The following GUCA1C variants were observed in gnomAD, a reference collection of about 807,000 sequenced individuals.
GUCA1C encodes guanylate cyclase activator 1C, also known as guanylyl cyclase-activating protein 3.
GUCA1C carries 15 observed loss-of-function variants against 16.2 expected under a neutral mutation model. The observed-to-expected ratio is 0.93, with a 90% CI of 0.62 to 1.43. The LOEUF (loss-of-function observed/expected upper bound fraction) is 1.43. Ranked by LOEUF, GUCA1C falls within the 40% of genes most tolerant of loss-of-function variation. The pLI, the probability that GUCA1C is intolerant of heterozygous loss-of-function variation, is 0.00. For missense variants in GUCA1C, 275 were observed against 244.8 expected (o/e 1.12, Z -0.82); for synonymous variants, 78 against 85.4 (o/e 0.91, Z 0.48).
At chr3:108,915,580 T>C (rs1408862722) in intron 3 of GUCA1C, among the ~76,000 whole-genome samples, 2 of 151,990 alleles carry the variant, frequency 1.3e-5, no homozygotes, top group Admixed American at 1.3e-4. Context: ...AAAGAGCAGA[T>C]GGAGAAATAA....
rs186819202 is a variant in GUCA1C at position 108,951,176 on chromosome 3, T to C, written c.204+2383A>G. On this transcript the variant is annotated intron_variant, in intron 1 of 3. Coordinates refer to ENST00000261047, the MANE Select transcript of GUCA1C (RefSeq NM_005459.4). ...GGAGATGTAGGTCAGAGGATAAAAG[T>C]AGCAGATATGTAGGAGGAACAAGTC... Among the ~76,000 whole-genome samples, 5 of 152,144 alleles carry C rather than the reference T, an allele frequency of 3.3e-5. No individual in the cohort carries two copies. The East Asian group carries it at 9.7e-4, about 29-fold the overall frequency.
intron 2 of GUCA1C, among the ~76,000 whole-genome samples, chr3:108,919,300 C>G (rs1240007754): frequency 6.6e-6 from 1 of 151,836 alleles, no homozygotes; most frequent in Non-Finnish European, 1.5e-5. Flanking sequence ...TGGTGGCATC[C>G]TAAGATCTGT....
At chr3:108,916,504 T>C (rs1946517412) in intron 2 of GUCA1C, among the ~76,000 whole-genome samples, 1 of 152,198 alleles carries the variant, frequency 6.6e-6, no homozygotes, top group South Asian at 2.1e-4. Flanking sequence ...GAGAAAATAT[T>C]GTAGTGGTCA....
intron 1 of GUCA1C, among the ~76,000 whole-genome samples, chr3:108,925,646 T>C (rs1479498211): frequency 4.6e-5 from 7 of 152,334 alleles, no homozygotes; most frequent in Non-Finnish European, 2.9e-5. Flanking sequence ...CCATTTGTTC[T>C]AGGGTATAGT....
chr3:108,925,311 A>C (rs1946613364), intron 1 of GUCA1C, among the ~76,000 whole-genome samples: 1 of 152,092 alleles, frequency 6.6e-6, no homozygotes, highest in East Asian at 1.9e-4. Context: ...AGAGGTTTTG[A>C]TAGCTTGTGT....
In GUCA1C at chr3:108,953,631, C is replaced by CA; in HGVS notation, c.131dup (p.Leu44PhefsTer12). On this transcript the variant is annotated frameshift_variant, in exon 1 of 4. Coordinates refer to ENST00000261047, the MANE Select transcript of GUCA1C (RefSeq NM_005459.4). LOFTEE classifies it high-confidence loss of function. ...CCTTCTGATTCAGACCTTGCAGACC[C>CA]AAAAGTGTCTTAAATTCATGTAGTG... 6.2e-7 allele frequency: 1 copy of CA among 1,613,298 alleles called. No individual in the cohort carries two copies. The highest frequency in any genetic ancestry group is 1.1e-5 in the South Asian group (1 of 91,070).
chr3:108,943,307 G>C (rs566850207), intron 1 of GUCA1C, among the ~76,000 whole-genome samples: 7 of 152,224 alleles, frequency 4.6e-5, no homozygotes, highest in African/African-American at 1.7e-4. Context: ...TTTGGCAATT[G>C]TAAGAGCAGA....
rs71629371 is a variant in GUCA1C at position 108,934,808 on chromosome 3, C to CTTTTTTTTTTTTTTTTTTTTT, written c.205-14244_205-14224dup. On this transcript the variant is annotated intron_variant, in intron 1 of 3. Transcript: ENST00000261047. ...ACATATTCTCACTTATGTTCTTGAT[C>CTTTTTTTTTTTTTTTTTTTTT]TTTTTTTTTTTTTTTTTTTTTTTGA... Among the ~76,000 whole-genome samples the CTTTTTTTTTTTTTTTTTTTTT allele has an allele frequency of 3.5e-5, 3 of 86,110 alleles. 1 individual carries two copies. The highest frequency in any genetic ancestry group is 4.8e-5 in the African/African-American group (1 of 20,842). The allele number at this position is 86,110 out of a possible 152,430, so 56.5% of individuals were successfully genotyped here. A position where few individuals can be genotyped will look rare whatever the true frequency, so the allele number is the denominator to read the frequency against.
chr3:108,939,488 G>A (rs1398496535), intron 1 of GUCA1C, among the ~76,000 whole-genome samples: 82 of 151,234 alleles, frequency 5.4e-4, no homozygotes, highest in African/African-American at 1.8e-3. Context: ...CACCATGCCC[G>A]GCTCATTTTT....
At position 108,912,892 on chromosome 3, in the gene GUCA1C, G is replaced by T. The variant is rs186476462; in HGVS notation, c.442+3235C>A. On this transcript the variant is annotated intron_variant, in intron 3 of 3. Coordinates refer to ENST00000261047, the MANE Select transcript of GUCA1C (RefSeq NM_005459.4). Reference sequence around the variant, plus strand: ...TAGGAAATATCAAAGTAAACAAAACGGAAATGGTTCTGGCCTTTGTGGAGC... The same window carrying T: ...TAGGAAATATCAAAGTAAACAAAACTGAAATGGTTCTGGCCTTTGTGGAGC... Among the ~76,000 whole-genome samples the T allele has an allele frequency of 2.3e-3, 347 of 152,122 alleles. 2 individuals carry two copies. Among genetic ancestry groups the T allele is most frequent in the Non-Finnish European group, 4.2e-3 (287 of 67,990 alleles).
intron 1 of GUCA1C, among the ~76,000 whole-genome samples, chr3:108,930,211 G>A (rs1946654281): frequency 6.6e-6 from 1 of 152,198 alleles, no homozygotes; most frequent in African/African-American, 2.4e-5. Context: ...CATGCTGCAG[G>A]CTGTAGTCTT....
intron 1 of GUCA1C, among the ~76,000 whole-genome samples, chr3:108,927,148 G>C (rs1261486644): frequency 6.6e-6 from 1 of 152,082 alleles, no homozygotes; most frequent in Non-Finnish European, 1.5e-5. Flanking sequence ...CTTTTGCCTC[G>C]CAGCTCTTAA....
At chr3:108,941,669 C>G (rs1195503444) in intron 1 of GUCA1C, among the ~76,000 whole-genome samples, 1 of 152,190 alleles carries the variant, frequency 6.6e-6, no homozygotes, top group East Asian at 1.9e-4. Flanking sequence ...CAATGACACT[C>G]TATTTGGATA....
At chr3:108,934,808 CT>C (rs71629371) in intron 1 of GUCA1C, among the ~76,000 whole-genome samples, 1 of 86,106 alleles carries the variant, frequency 1.2e-5, no homozygotes. Context: ...TGTTCTTGAT[CT>C]TTTTTTTTTT....
intron 1 of GUCA1C, among the ~76,000 whole-genome samples, chr3:108,948,732 A>G (rs985094450): frequency 6.6e-6 from 1 of 151,960 alleles, no homozygotes; most frequent in African/African-American, 2.4e-5. Context: ...TTCTTGAAAG[A>G]CTTTAGGATT....
chr3:108,916,213 G>T lies in GUCA1C; in HGVS notation c.356C>A (p.Ala119Glu). The change falls in exon 3 of 4, where the codon GCG becomes GAG. Residue 119 changes from alanine to glutamate, a missense_variant and splice_region_variant. Physicochemically the swap from Ala to Glu is moderately radical, Grantham distance 107. Coordinates refer to ENST00000261047, the MANE Select transcript of GUCA1C (RefSeq NM_005459.4). ...TTGCTGGCCATTGAGGGCTTGTACC[G>T]CCTGCAAAAAGACATTAAATGAAAG... Reference protein sequence around the residue: ...DKNELLDMFMAVQALNGQQTL... With the variant: ...DKNELLDMFMEVQALNGQQTL... The T allele has an allele frequency of 6.2e-7, 1 of 1,603,754 alleles. No homozygotes were observed. The highest frequency in any genetic ancestry group is 8.5e-7 in the Non-Finnish European group (1 of 1,177,412).
chr3:108,932,103 G>A (rs540520729), intron 1 of GUCA1C, among the ~76,000 whole-genome samples: 1 of 151,510 alleles, frequency 6.6e-6, no homozygotes, highest in East Asian at 1.9e-4. Context: ...GCCCACCTCG[G>A]CCTCCCAAAG....
intron 1 of GUCA1C, among the ~76,000 whole-genome samples, chr3:108,928,741 T>C (rs576849219): frequency 1.0e-3 from 153 of 152,368 alleles, no homozygotes; most frequent in African/African-American, 3.6e-3. Flanking sequence ...CAATGATTAG[T>C]TGACTAGATA....
chr3:108,935,046 C>G (rs1946710705), intron 1 of GUCA1C, among the ~76,000 whole-genome samples: 1 of 151,806 alleles, frequency 6.6e-6, no homozygotes, highest in South Asian at 2.1e-4. Context: ...ATCTCCTGAC[C>G]TCGTGATCCG....
Sources: gnomAD v4.1 joint callset for allele counts (sites outside exome capture counted in the v4.1 genomes callset) on GRCh38, gnomAD v4.1.1 for gene constraint, MANE v1.5 for transcripts, NCBI Gene and HGNC (gene_info 2026-07-23, HGNC 2026-07-21) for gene names.